The following STON2 variants were observed in gnomAD, a reference collection of about 807,000 sequenced individuals.
STON2 encodes stonin-2.
Under a neutral mutation model 65.7 loss-of-function variants are expected in STON2, and 29 were observed. That is an observed-to-expected ratio of 0.44 (90% CI 0.33 to 0.60). STON2 has a LOEUF of 0.60. Ranked by LOEUF, STON2 falls within the 20% of genes least tolerant of loss-of-function variation. The pLI is 0.03. For synonymous variants in STON2, 404 were observed against 414.2 expected (o/e 0.98, Z 0.30); for missense variants, 1,054 against 1,118.1 (o/e 0.94, Z 0.82).
chr14:81,270,384 C>T, intron 7 of STON2: 1 of 1,373,500 alleles, frequency 7.3e-7, no homozygotes, highest in South Asian at 1.8e-5. Flanking sequence ...TGTGCCTGGC[C>T]CCCATTATTC....
At chr14:81,270,520 C>T (rs773506056) in intron 7 of STON2, 150 bp downstream of exon 7, 10 of 1,550,776 alleles carry the variant, frequency 6.4e-6, no homozygotes, top group Admixed American at 5.6e-5. Flanking sequence ...AGAGCAGACG[C>T]ACCCACAGCT....
chr14:81,271,854 T>C (rs144947266), intron 6 of STON2, among the ~76,000 whole-genome samples: 1 of 152,320 alleles, frequency 6.6e-6, no homozygotes, highest in African/African-American at 2.4e-5. Flanking sequence ...TCTTTGAGTC[T>C]TCAGTATGAT....
At position 81,281,026 on chromosome 14, in the gene STON2, AG is replaced by A. The variant is rs1223110872; in HGVS notation, c.743-2288del. On this transcript the variant is annotated intron_variant, in intron 5 of 7. Coordinates refer to ENST00000614646, the MANE Select transcript of STON2 (RefSeq NM_001394390.1). ...ACTCCGTCTCAAAAAAAAAAAAAAA[AG>A]AAAAGAAAAGAAAATGTAGGCTGTA... 2.6e-3 allele frequency among the ~76,000 whole-genome samples: 388 copies of A among 151,348 alleles called. 1 individual carries two copies. Among genetic ancestry groups the A allele is most frequent in the Non-Finnish European group, 3.6e-3 (246 of 67,850 alleles).
intron 5 of STON2, among the ~76,000 whole-genome samples, chr14:81,320,647 A>G (rs1896792251): frequency 6.6e-6 from 1 of 151,712 alleles, no homozygotes; most frequent in Non-Finnish European, 1.5e-5. Context: ...GTCTGAAACT[A>G]AAGCGAAAGC....
At chr14:81,408,633 T>G (rs1344547377) in intron 2 of STON2, among the ~76,000 whole-genome samples, 1 of 152,230 alleles carries the variant, frequency 6.6e-6, no homozygotes, top group Non-Finnish European at 1.5e-5. Context: ...ATCCCAAGGT[T>G]ATAATTACAA....
chr14:81,394,159 C>T (rs1438704986), intron 3 of STON2, among the ~76,000 whole-genome samples: 1 of 151,720 alleles, frequency 6.6e-6, no homozygotes, highest in East Asian at 1.9e-4. Flanking sequence ...CCACTGCACT[C>T]CAGCCTGGGC....
At chr14:81,273,970 C>T (rs972424180) in intron 6 of STON2, among the ~76,000 whole-genome samples, 1 of 152,174 alleles carries the variant, frequency 6.6e-6, no homozygotes, top group African/African-American at 2.4e-5. Context: ...GTCTGAACAC[C>T]TAGACAGCAG....
In STON2 at chr14:81,355,958, G is replaced by A. The variant is rs555014991; in HGVS notation, c.571+15030C>T. ...TACAATCATGTCGTCTGCAAACAGGGACAATTTGACTTCCTCTTTTTCTAA... is the reference window on the plus strand; with the variant it reads ...TACAATCATGTCGTCTGCAAACAGGAACAATTTGACTTCCTCTTTTTCTAA... On this transcript the variant is annotated intron_variant, in intron 4 of 7. Transcript: ENST00000614646. 5.3e-5 allele frequency among the ~76,000 whole-genome samples: 8 copies of A among 152,222 alleles called. No individual in the cohort carries two copies. In the East Asian group the frequency reaches 1.5e-3, roughly 29 times the overall value.
rs1392151308 is a variant in STON2 at position 81,386,383 on chromosome 14, AT to A, written c.373+9510del. Among the ~76,000 whole-genome samples the A allele has an allele frequency of 5.9e-5, 9 of 152,194 alleles. No individual in the cohort carries two copies. In the East Asian group the frequency reaches 9.7e-4, roughly 16 times the overall value. On this transcript the variant is annotated intron_variant, in intron 3 of 7. Coordinates refer to ENST00000614646, the MANE Select transcript of STON2 (RefSeq NM_001394390.1). ...AGCCAGAATGAACAACATAATAGAAATTAACGGCGGGGCTAGTCTTCTTCAG... is the reference window on the plus strand; with the variant it reads ...AGCCAGAATGAACAACATAATAGAAATAACGGCGGGGCTAGTCTTCTTCAG...
At chr14:81,339,952 A>G (rs1000894379) in intron 4 of STON2, among the ~76,000 whole-genome samples, 4 of 152,148 alleles carry the variant, frequency 2.6e-5, no homozygotes, top group African/African-American at 9.7e-5. Context: ...CAGGAGATCA[A>G]GACCATCCTG....
At chr14:81,405,140 G>A (rs973363421), upstream of STON2, among the ~76,000 whole-genome samples, 1 of 152,000 alleles carries the variant, frequency 6.6e-6, no homozygotes, top group African/African-American at 2.4e-5. Context: ...ATTAAATTTG[G>A]AAAAACTAAG....
In STON2 at chr14:81,261,959, A is replaced by G. The variant is rs1894165542; in HGVS notation, c.*6455T>C. On this transcript the variant is annotated 3_prime_UTR_variant, in exon 8 of 8. Transcript: ENST00000614646. ...GGGGAAATGATAAAAAAAAAAAAAA[A>G]AAAGAGAGAGATGTGAAAAGGAAAA... 6.3e-6 allele frequency: 9 copies of G among 1,437,858 alleles called. No homozygotes were observed. The highest frequency in any genetic ancestry group is 8.2e-6 in the Non-Finnish European group (9 of 1,102,552). 89.1% of individuals were successfully genotyped at this position (1,437,858 alleles called of 1,614,324 possible). A position where few individuals can be genotyped will look rare whatever the true frequency, so the allele number is the denominator to read the frequency against.
In STON2 at chr14:81,263,390, TAGTC is replaced by T. The variant is rs1206693700; in HGVS notation, c.*5020_*5023del. 1.3e-5 allele frequency among the ~76,000 whole-genome samples: 2 copies of T among 151,868 alleles called. No individual in the cohort carries two copies. Among genetic ancestry groups the T allele is most frequent in the Non-Finnish European group, 2.9e-5 (2 of 67,980 alleles). On this transcript the variant is annotated 3_prime_UTR_variant, in exon 8 of 8. Coordinates refer to ENST00000614646, the MANE Select transcript of STON2 (RefSeq NM_001394390.1). Reference sequence around the variant, plus strand: ...CCATCTCTACTAAAAATACAAAAATTAGTCAGGCGTGGTGGCACATGCCTGTAGT... The same window carrying T: ...CCATCTCTACTAAAAATACAAAAATTAGGCGTGGTGGCACATGCCTGTAGT...
chr14:81,361,942 T>C (rs1595395287), intron 4 of STON2, among the ~76,000 whole-genome samples: 1 of 152,104 alleles, frequency 6.6e-6, no homozygotes, highest in Non-Finnish European at 1.5e-5. Context: ...CACCATGAGA[T>C]ATCACCTCAC....
At chr14:81,360,644 T>C (rs902684657) in intron 4 of STON2, among the ~76,000 whole-genome samples, 4 of 152,192 alleles carry the variant, frequency 2.6e-5, no homozygotes, top group Non-Finnish European at 5.9e-5. Flanking sequence ...TTGCCACTTC[T>C]ATTCAACATA....
intron 3 of STON2, among the ~76,000 whole-genome samples, chr14:81,377,239 G>T (rs1285724931): frequency 6.6e-6 from 1 of 152,094 alleles, no homozygotes. Flanking sequence ...GTCATTCCAA[G>T]AATGCAATAT....
intron 4 of STON2, among the ~76,000 whole-genome samples, chr14:81,363,374 C>T (rs1434277470): frequency 6.6e-6 from 1 of 152,092 alleles, no homozygotes; most frequent in Admixed American, 6.6e-5. Context: ...ATCACTTCCT[C>T]ATGGGAAAAT....
In STON2 at chr14:81,298,636, G is replaced by A. The variant is rs529249872; in HGVS notation, c.743-19897C>T. ...AAGAGAAACTACAGAAAAGCATGTT[G>A]AACAGAACCATGCTAGGAGTTTCAT... On this transcript the variant is annotated intron_variant, in intron 5 of 7. Coordinates refer to ENST00000614646, the MANE Select transcript of STON2 (RefSeq NM_001394390.1). Among the ~76,000 whole-genome samples, 3 of 152,268 alleles carry A rather than the reference G, an allele frequency of 2.0e-5. No individual in the cohort carries two copies. In the East Asian group the frequency reaches 5.8e-4, roughly 29 times the overall value.
At chr14:81,372,427 C>T (rs1374254372) in intron 3 of STON2, among the ~76,000 whole-genome samples, 5 of 151,842 alleles carry the variant, frequency 3.3e-5, no homozygotes, top group African/African-American at 9.7e-5. Context: ...TGGTGGCGGG[C>T]GCCTGTAATC....
Sources: gnomAD v4.1 joint callset for allele counts (sites outside exome capture counted in the v4.1 genomes callset) on GRCh38, gnomAD v4.1.1 for gene constraint, MANE v1.5 for transcripts, NCBI Gene and HGNC (gene_info 2026-07-23, HGNC 2026-07-21) for gene names.